ZFYVE26: variants seen among roughly 807,000 people sequenced by gnomAD.
ZFYVE26 encodes the protein zinc finger FYVE-type containing 26, also known as zinc finger FYVE domain-containing protein 26.
Under a neutral mutation model 276.5 loss-of-function variants are expected in ZFYVE26, and 181 were observed. The observed-to-expected ratio is 0.65, with a 90% CI of 0.58 to 0.74. The LOEUF (loss-of-function observed/expected upper bound fraction) is 0.74, where lower values mean the gene tolerates loss of function less well. Ranked by LOEUF, ZFYVE26 falls within the 30% of genes least tolerant of loss-of-function variation. The pLI is 0.00. For synonymous variants in ZFYVE26, 1,129 were observed against 1,203.1 expected (o/e 0.94, Z 1.27); for missense variants, 2,821 against 3,097.9 (o/e 0.91, Z 2.12).
Position 67,794,156 on chromosome 14 carries a change from T to G in ZFYVE26, c.2401+15A>C. The G allele has an allele frequency of 6.2e-7, 1 of 1,614,020 alleles. No individual in the cohort carries two copies. The highest frequency in any genetic ancestry group is 8.5e-7 in the Non-Finnish European group (1 of 1,179,858). On this transcript the variant is annotated intron_variant, in intron 13 of 41. Coordinates refer to ENST00000347230, the MANE Select transcript of ZFYVE26 (RefSeq NM_015346.4). ...AAAGCTGCTCAAAGTTGGCAACTGG[T>G]GGAAATCTGCATACCTGACGTACTT...
chr14:67,787,981 G>A (rs2039699807), intron 16 of ZFYVE26, among the ~76,000 whole-genome samples: 1 of 152,132 alleles, frequency 6.6e-6, no homozygotes, highest in Non-Finnish European at 1.5e-5. Flanking sequence ...GTGGCTCACT[G>A]GCCCTAAACT....
chr14:67,800,813 G>A (rs2040061140), intron 10 of ZFYVE26, among the ~76,000 whole-genome samples: 1 of 152,010 alleles, frequency 6.6e-6, no homozygotes, highest in African/African-American at 2.4e-5. Context: ...GCTACAAATA[G>A]GTTAAAAATA....
chr14:67,808,897 C>A lies in ZFYVE26; in HGVS notation c.363+303G>T, dbSNP rs530636831. On this transcript the variant is annotated intron_variant, in intron 4 of 41. Transcript: ENST00000347230. ...GAATTAACTCTAACACATTCAGTGACCCTGTTATAGAAAAGATAGTCAACG... is the reference window on the plus strand; with the variant it reads ...GAATTAACTCTAACACATTCAGTGAACCTGTTATAGAAAAGATAGTCAACG... 3.3e-5 allele frequency among the ~76,000 whole-genome samples: 5 copies of A among 152,264 alleles called. No individual in the cohort carries two copies. In the South Asian group the frequency reaches 1.0e-3, roughly 32 times the overall value.
chr14:67,789,206 A>G, intron 16 of ZFYVE26, 129 bp downstream of exon 16: 3 of 1,317,402 alleles, frequency 2.3e-6, no homozygotes, highest in Non-Finnish European at 2.2e-6. Context: ...ATTGTATGTG[A>G]CAAAATTTCA....
intron 34 of ZFYVE26, 50 bp downstream of exon 34, chr14:67,762,153 T>C (rs745877660): frequency 6.4e-7 from 1 of 1,573,356 alleles, no homozygotes; most frequent in Non-Finnish European, 8.7e-7. Context: ...GTCATTGCTA[T>C]TCCTGGGTCT....
At position 67,785,986 on chromosome 14, in the gene ZFYVE26, C is replaced by T. The variant is rs779370411; in HGVS notation, c.3176G>A (p.Cys1059Tyr). ...VEEKGGGPPR[C>Y]SITELLQMCW... The stretch of plus-strand genomic sequence containing the variant: ...CATCTGAAGCAGTTCAGTGATGCTG[C>T]ACCGTGGAGGGCCTCCTCCCTTTTC... Residue 1059 changes from cysteine to tyrosine, a missense_variant, in exon 18 of 42, where the codon TGC becomes TAC. Physicochemically the swap from Cys to Tyr is radical, Grantham distance 194. Transcript: ENST00000347230. 3.7e-6 allele frequency: 6 copies of T among 1,614,094 alleles called. No individual in the cohort carries two copies. In the African/African-American group the frequency reaches 8.0e-5, roughly 22 times the overall value.
chr14:67,808,072 C>T, intron 4 of ZFYVE26, 152 bp from the exon 5 acceptor site: 2 of 920,120 alleles, frequency 2.2e-6, no homozygotes, highest in Non-Finnish European at 3.3e-6. Flanking sequence ...AGACATTGTT[C>T]TAAGGCCCTT....
chr14:67,804,352 T>C (rs2040135919), intron 8 of ZFYVE26, 88 bp from the exon 9 acceptor site: 1 of 1,494,316 alleles, frequency 6.7e-7, no homozygotes, highest in African/African-American at 1.4e-5. Flanking sequence ...TTGTTCTTCC[T>C]CTCTGGACCA....
At chr14:67,816,093 T>G (rs748605067) in intron 1 of ZFYVE26, 47 bp from the exon 2 acceptor site, 1 of 743,172 alleles carries the variant, frequency 1.3e-6, no homozygotes, top group Middle Eastern at 3.2e-4. Flanking sequence ...GGCACTGTAT[T>G]AAGACAAAGC....
intron 36 of ZFYVE26, 59 bp downstream of exon 36, chr14:67,755,889 T>C: frequency 6.3e-7 from 1 of 1,595,212 alleles, no homozygotes; most frequent in Non-Finnish European, 8.6e-7. Flanking sequence ...GTGCACTGCC[T>C]CTCCTGCAGG....
intron 13 of ZFYVE26, chr14:67,733,599 T>C (rs2140162192): frequency 3.4e-6 from 2 of 588,084 alleles, no homozygotes; most frequent in Admixed American, 5.0e-5. Flanking sequence ...TAAAATATTT[T>C]TGGAGTGCAT....
intron 13 of ZFYVE26, among the ~76,000 whole-genome samples, chr14:67,741,443 A>G (rs2038414556): frequency 6.6e-6 from 1 of 152,120 alleles, no homozygotes; most frequent in Non-Finnish European, 1.5e-5. Flanking sequence ...GTTCATATTC[A>G]TGTAGTCCTC....
chr14:67,797,561 T>C, intron 12 of ZFYVE26, 111 bp downstream of exon 12: 2 of 1,227,566 alleles, frequency 1.6e-6, no homozygotes, highest in Non-Finnish European at 2.4e-6. Context: ...GGGAATAGGA[T>C]AATTTTACAA....
chr14:67,807,471 C>T lies in ZFYVE26; in HGVS notation c.813G>A (p.Leu271=), dbSNP rs200977120. The change falls in exon 5 of 42, where the codon CTG becomes CTA. Residue 271 remains leucine (L), a synonymous_variant. Coordinates refer to ENST00000347230, the MANE Select transcript of ZFYVE26 (RefSeq NM_015346.4). ...SCLLHKASRG[L]LSLYGHTYAE... Reference sequence around the variant, plus strand: ...CATAGGTATGGCCATACAGGGACAGCAGGCCCCGGCTGGCCTTGTGCAGCA... The same window carrying T: ...CATAGGTATGGCCATACAGGGACAGTAGGCCCCGGCTGGCCTTGTGCAGCA... The T allele has an allele frequency of 6.2e-7, 1 of 1,614,042 alleles. No homozygotes were observed. Among genetic ancestry groups the T allele is most frequent in the Non-Finnish European group, 8.5e-7 (1 of 1,180,010 alleles).
chr14:67,783,401 T>A lies in ZFYVE26; in HGVS notation c.3751A>T (p.Thr1251Ser), dbSNP rs2039561030. The A allele has an allele frequency of 6.2e-7, 1 of 1,613,554 alleles. No homozygotes were observed. The highest frequency in any genetic ancestry group is 8.5e-7 in the Non-Finnish European group (1 of 1,179,878). ...AGCTGGGCCAGAGTACCCAGACGAG[T>A]CAGGAGGGAGGAGGTCTGCTGGCTT... ...RQSQQTSSLLTRLGTLAQLHA... is the reference protein window; with the variant it reads ...RQSQQTSSLLSRLGTLAQLHA... The change falls in exon 21 of 42, where the codon ACT becomes TCT. Residue 1251 changes from threonine (T) to serine (S), a missense_variant. Physicochemically the swap from Thr to Ser is moderately conservative, Grantham distance 58. Coordinates refer to ENST00000347230, the MANE Select transcript of ZFYVE26 (RefSeq NM_015346.4).
Position 67,798,603 on chromosome 14 carries a change from T to G in ZFYVE26, c.1659A>C (p.Ser553=), listed in dbSNP as rs2140243482. Residue 553 remains serine (S), a synonymous_variant, in exon 11 of 42, where the codon TCA becomes TCC. Transcript: ENST00000347230. ...ACTGTTGACACCTGGCCAGGTAAGT[T>G]GAGAAGAGATTTGCAGCACCTACAA... ...LSSPGAANLF[S]TYLARCQQYL... is the part of the protein sequence containing the mutation. 6.2e-7 allele frequency: 1 copy of G among 1,613,808 alleles called. No individual in the cohort carries two copies. The highest frequency in any genetic ancestry group is 8.5e-7 in the Non-Finnish European group (1 of 1,179,994).
Position 67,807,406 on chromosome 14 carries a change from G to A in ZFYVE26, c.878C>T (p.Ser293Leu), listed in dbSNP as rs374866062. The change falls in exon 5 of 42, where the codon TCG becomes TTG. Residue 293 changes from serine (S) to leucine (L), a missense_variant. Transcript: ENST00000347230. ...VTEKPPRATA[S>L]GKVSPDHLDP... Reference sequence around the variant, plus strand: ...CAGCAAAGGGAACACACCTTTTCCCGAGGCTGTAGCCCTCGGTGGCTTTTC... The same window carrying A: ...CAGCAAAGGGAACACACCTTTTCCCAAGGCTGTAGCCCTCGGTGGCTTTTC... The A allele has an allele frequency of 1.1e-5, 18 of 1,613,976 alleles. No homozygotes were observed. The highest frequency in any genetic ancestry group is 1.6e-4 in the Middle Eastern group (1 of 6,070).
At chr14:67,784,623 C>G (rs940801332) in intron 19 of ZFYVE26, among the ~76,000 whole-genome samples, 187 bp from the exon 20 acceptor site, 1 of 152,188 alleles carries the variant, frequency 6.6e-6, no homozygotes, top group Non-Finnish European at 1.5e-5. Context: ...CTATATCTTA[C>G]CACTGCTCTA....
intron 39 of ZFYVE26, 28 bp downstream of exon 39, chr14:67,753,679 A>C: frequency 6.2e-7 from 1 of 1,609,020 alleles, no homozygotes; most frequent in Non-Finnish European, 8.5e-7. Context: ...GATTGTCCTC[A>C]GTATGATTTG....
Sources: allele counts gnomAD v4.1 joint callset (sites outside exome capture counted in the v4.1 genomes callset), GRCh38; gene constraint gnomAD v4.1.1; transcripts MANE v1.5; gene names NCBI Gene and HGNC (gene_info 2026-07-23, HGNC 2026-07-21).